The following SALL1 variants were observed in gnomAD, a reference collection of about 807,000 sequenced individuals.
The protein encoded by SALL1 is spalt like transcription factor 1.
In SALL1, 10 loss-of-function variants were observed where a neutral mutation model predicts 73.1. The ratio of observed to expected loss-of-function variants is 0.14; its 90% confidence interval spans 0.08 to 0.23. The LOEUF (loss-of-function observed/expected upper bound fraction) is 0.23. SALL1 is among the 10% of genes least tolerant of loss of function. The probability of loss-of-function intolerance (pLI) is 1.00; values close to 1 mark genes in which losing one functional copy is unlikely to be tolerated. For missense variants in SALL1, 1,520 were observed against 1,697.3 expected, an observed-to-expected ratio of 0.90 and a Z score of 1.84; for synonymous variants, 688 against 689.8, an observed-to-expected ratio of 1.00 and a Z score of 0.04.
At position 51,137,495 on chromosome 16, in the gene SALL1, A is replaced by T; in HGVS notation, c.3592T>A (p.Ser1198Thr). 6.2e-7 allele frequency: 1 copy of T among 1,614,056 alleles called. No individual in the cohort carries two copies. Residue 1198 changes from serine to threonine, a missense_variant, in exon 3 of 3, where the codon TCT becomes ACT. By Grantham distance (58) the Ser-to-Thr change is moderately conservative. This residue lies in a region of SALL1 where 318 missense variants were observed against 357.1 expected (regional missense o/e 0.89). Transcript: ENST00000251020. Reference protein sequence around the residue: ...STPARRGRRLSVDGPMTFLGG... With the variant: ...STPARRGRRLTVDGPMTFLGG... ...AGAAATGTCATGGGGCCATCCACAG[A>T]GAGCCGCCGACCCCGTCGTGCAGGG...
At position 51,141,975 on chromosome 16, in the gene SALL1, C is replaced by T. The variant is rs376234367; in HGVS notation, c.247G>A (p.Glu83Lys). Reference sequence around the variant, plus strand: ...GGAGGGGGGCTGGGGGAGAAGGTTTCGGGTGGGGAGGCTGGATTTTCATTT... The same window carrying T: ...GGAGGGGGGCTGGGGGAGAAGGTTTTGGGTGGGGAGGCTGGATTTTCATTT... ...IVNENPASPP[E>K]TFSPSPPPDN... Residue 83 changes from glutamate (E) to lysine (K), a missense_variant, in exon 2 of 3, where the codon GAA (glutamate) becomes AAA (lysine). Physicochemically the swap from Glu to Lys is moderately conservative, Grantham distance 56. Around this residue, in one of 7 missense-constraint regions of SALL1, gnomAD observed 540 missense variants for 567.5 expected, o/e 0.95. Transcript: ENST00000251020. The surrounding 1 kb of genome is among the most constrained non-coding windows in gnomAD (Gnocchi z 5.4). 12 of 1,612,006 alleles carry T rather than the reference C, an allele frequency of 7.4e-6. No individual in the cohort carries two copies. The highest frequency in any genetic ancestry group is 1.3e-5 in the African/African-American group (1 of 74,798).
intron 2 of SALL1, 57 bp downstream of exon 2, chr16:51,138,631 T>C (rs1272983305): frequency 1.3e-6 from 2 of 1,567,974 alleles, no homozygotes; most frequent in African/African-American, 1.4e-5. Flanking sequence ...TTATAGATAA[T>C]CAATGGCAGT....
rs761143307 is a variant in SALL1 at position 51,140,372 on chromosome 16, A to C, written c.1850T>G (p.Leu617Arg). 1 of 1,614,150 alleles carries C rather than the reference A, an allele frequency of 6.2e-7. No homozygotes were observed. The highest frequency in any genetic ancestry group is 8.5e-7 in the Non-Finnish European group (1 of 1,180,020). The change falls in exon 2 of 3, where the codon CTG becomes CGG. Residue 617 changes from leucine to arginine, a missense_variant. This residue lies in a region of SALL1 where 276 missense variants were observed against 259.1 expected (regional missense o/e 1.07). Coordinates refer to ENST00000251020, the MANE Select transcript of SALL1 (RefSeq NM_002968.3). This position sits in a 1 kb window ranked among gnomAD's most constrained non-coding sequence, Gnocchi z 5.7. ...TTCGCTTTTGCCACCAGAGGGTGGC[A>C]GAGTGGACCCTTCGGCTTCCTCTGG... ...GLPEEAEGST[L>R]PPSGGKSEES... is the part of the protein sequence containing the mutation.
In SALL1 at chr16:51,139,970, G is replaced by A. The variant is rs1318196061; in HGVS notation, c.2252C>T (p.Thr751Ile). Reference sequence around the variant, plus strand: ...CATAGCACGATGGACACTGTAGTGGGTTTTAAGATTCCCTTTCGTGGTGAA... The same window carrying A: ...CATAGCACGATGGACACTGTAGTGGATTTTAAGATTCCCTTTCGTGGTGAA... ...RAFTTKGNLK[T>I]HYSVHRAMPP... is the part of the protein sequence containing the mutation. Residue 751 changes from threonine to isoleucine, a missense_variant, in exon 2 of 3, where the codon ACC becomes ATC. Thr to Ile is a moderately conservative substitution (Grantham distance 89). This residue lies in a region of SALL1 where 77 missense variants were observed against 117.2 expected (regional missense o/e 0.66). Transcript: ENST00000251020. 1 of 1,614,212 alleles carries A rather than the reference G, an allele frequency of 6.2e-7. No homozygotes were observed. The highest frequency in any genetic ancestry group is 2.2e-5 in the East Asian group (1 of 44,880).
At chr16:51,147,780 A>AAC (rs145285801) in intron 1 of SALL1, among the ~76,000 whole-genome samples, 26,176 of 146,194 alleles carry the variant, frequency 0.18, 2,664 homozygotes, top group African/African-American at 0.29. Flanking sequence ...GAAGAACTCC[A>AAC]ACACACACAC....
rs376876156 is a variant in SALL1, at chr16:51,150,072, G to C, written c.76+1094C>G. On this transcript the variant is annotated intron_variant, in intron 1 of 2. Coordinates refer to ENST00000251020, the MANE Select transcript of SALL1 (RefSeq NM_002968.3). ...CTCGGGCGCTAGGCCTGGGAGCTTTGAGGCCGGTACCGTGAAACACCTTTA... is the reference window on the plus strand; with the variant it reads ...CTCGGGCGCTAGGCCTGGGAGCTTTCAGGCCGGTACCGTGAAACACCTTTA... 1.5e-3 allele frequency among the ~76,000 whole-genome samples: 234 copies of C among 152,314 alleles called. 2 individuals carry two copies. The South Asian group carries it at 0.028, about 18-fold the overall frequency.
chr16:51,146,000 C>CTTTT (rs11306057), intron 1 of SALL1, among the ~76,000 whole-genome samples: 2 of 118,494 alleles, frequency 1.7e-5, no homozygotes, highest in Admixed American at 8.4e-5. Flanking sequence ...TTTTCTTTTT[C>CTTTT]TTTTTTTTTT....
At position 51,140,062 on chromosome 16, in the gene SALL1, G is replaced by C; in HGVS notation, c.2160C>G (p.Ala720=). ...TGTGTGTCCTGTAGTGCATTTTCAA[G>C]GCGCTCTGGCAGCTGAGAACCCGGT... The part of the protein sequence containing the change: ...ICHRVLSCQS[A]LKMHYRTHTG... Residue 720 remains alanine, a synonymous_variant, in exon 2 of 3, where the codon GCC becomes GCG. Transcript: ENST00000251020. This position sits in a 1 kb window ranked among gnomAD's most constrained non-coding sequence, Gnocchi z 5.7. 3.1e-6 allele frequency: 5 copies of C among 1,614,230 alleles called. No individual in the cohort carries two copies. Among genetic ancestry groups the C allele is most frequent in the Non-Finnish European group, 4.2e-6 (5 of 1,180,034 alleles).
At position 51,137,334 on chromosome 16, in the gene SALL1, C is replaced by G. The variant is rs937264847; in HGVS notation, c.3753G>C (p.Glu1251Asp). 1 of 1,614,138 alleles carries G rather than the reference C, an allele frequency of 6.2e-7. No homozygotes were observed. Among genetic ancestry groups the G allele is most frequent in the African/African-American group, 1.3e-5 (1 of 75,006 alleles). Residue 1251 changes from glutamate to aspartate, a missense_variant, in exon 3 of 3, where the codon GAG becomes GAC. Glu to Asp is a conservative substitution (Grantham distance 45). Coordinates refer to ENST00000251020, the MANE Select transcript of SALL1 (RefSeq NM_002968.3). Reference sequence around the variant, plus strand: ...TGCCACCGTTCTGAATGACGGAGATCTCGTTGGCCTTCATCGCCAGCCCGT... The same window carrying G: ...TGCCACCGTTCTGAATGACGGAGATGTCGTTGGCCTTCATCGCCAGCCCGT... ...LSNGLAMKANEISVIQNGGIP... is the reference protein window; with the variant it reads ...LSNGLAMKANDISVIQNGGIP...
At chr16:51,144,147 A>T (rs1386468040) in intron 1 of SALL1, among the ~76,000 whole-genome samples, 1 of 152,194 alleles carries the variant, frequency 6.6e-6, no homozygotes, top group Non-Finnish European at 1.5e-5. Flanking sequence ...TTATTTTGAC[A>T]ATCAATTTTA....
chr16:51,149,948 A>T (rs1476879093), intron 1 of SALL1: 1 of 151,790 alleles, frequency 6.6e-6, no homozygotes, highest in Non-Finnish European at 1.5e-5. Context: ...AGCCGCTGAG[A>T]CCCCGCCGAG....
chr16:51,149,695 A>AAAAG (rs1363135377), intron 1 of SALL1: 1 of 152,190 alleles, frequency 6.6e-6, no homozygotes, highest in African/African-American at 2.4e-5. Context: ...ACCCCAAGTC[A>AAAAG]GGATTCCCCT....
At position 51,141,045 on chromosome 16, in the gene SALL1, G is replaced by A. The variant is rs1962416414; in HGVS notation, c.1177C>T (p.Pro393Ser). ...ACCGAGTTAGCGGAGGCTTGCTGAG[G>A]TAGAAGTGGATTAGACGCAGGACTT... ...LLSPASNPLL[P>S]QQASANSVFP... The change falls in exon 2 of 3, where the codon CCT becomes TCT. Residue 393 changes from proline to serine, a missense_variant. Pro to Ser is a moderately conservative substitution (Grantham distance 74). This residue lies in a region of SALL1 where 540 missense variants were observed against 567.5 expected (regional missense o/e 0.95). Coordinates refer to ENST00000251020, the MANE Select transcript of SALL1 (RefSeq NM_002968.3). The surrounding 1 kb of genome is among the most constrained non-coding windows in gnomAD (Gnocchi z 5.4). The A allele has an allele frequency of 3.7e-6, 6 of 1,614,122 alleles. No homozygotes were observed. The highest frequency in any genetic ancestry group is 5.1e-6 in the Non-Finnish European group (6 of 1,180,044).
Position 51,140,396 on chromosome 16 carries a change from G to A in SALL1, c.1826C>T (p.Pro609Leu). The stretch of plus-strand genomic sequence containing the variant: ...CAGAGTGGACCCTTCGGCTTCCTCT[G>A]GGAGCCCACCTAGGTTTCTTGTGGC... The part of the protein sequence containing the change: ...ESATRNLGGL[P>L]EEAEGSTLPP... Residue 609 changes from proline to leucine, a missense_variant, in exon 2 of 3, where the codon CCA (proline) becomes CTA (leucine). Around this residue, in one of 7 missense-constraint regions of SALL1, gnomAD observed 276 missense variants for 259.1 expected, o/e 1.07. Transcript: ENST00000251020. The surrounding 1 kb of genome is among the most constrained non-coding windows in gnomAD (Gnocchi z 5.7). 1 of 1,614,102 alleles carries A rather than the reference G, an allele frequency of 6.2e-7. No individual in the cohort carries two copies. The highest frequency in any genetic ancestry group is 1.1e-5 in the South Asian group (1 of 91,078).
chr16:51,149,984 G>A (rs1381211216), intron 1 of SALL1, among the ~76,000 whole-genome samples: 1 of 152,170 alleles, frequency 6.6e-6, no homozygotes, highest in African/African-American at 2.4e-5. Context: ...TCCTCCCACA[G>A]CCGAGAGGCC....
intron 1 of SALL1, chr16:51,143,265 C>G (rs1962470449): frequency 2.8e-6 from 1 of 361,736 alleles, no homozygotes; most frequent in Admixed American, 3.5e-5. Flanking sequence ...TGTCTTCTCA[C>G]TAAGATCCAT....
Position 51,141,564 on chromosome 16 carries a change from A to T in SALL1, c.658T>A (p.Ser220Thr). The stretch of plus-strand genomic sequence containing the variant: ...GCTGGGACGGCCAGCTTGCCCCCAG[A>T]GGCCCCGCCGCACCTCGCTTCCTGG... ...FSQEARCGGASGGKLAVPALM... is the reference protein window; with the variant it reads ...FSQEARCGGATGGKLAVPALM... The change falls in exon 2 of 3, where the codon TCT becomes ACT. Residue 220 changes from serine (S) to threonine (T), a missense_variant. By Grantham distance (58) the Ser-to-Thr change is moderately conservative. Transcript: ENST00000251020. This position sits in a 1 kb window ranked among gnomAD's most constrained non-coding sequence, Gnocchi z 5.4. The T allele has an allele frequency of 6.2e-7, 1 of 1,614,088 alleles. No individual in the cohort carries two copies. Among genetic ancestry groups the T allele is most frequent in the Non-Finnish European group, 8.5e-7 (1 of 1,180,004 alleles).
chr16:51,147,912 G>A (rs1434051954), intron 1 of SALL1, among the ~76,000 whole-genome samples: 1 of 151,932 alleles, frequency 6.6e-6, no homozygotes, highest in Non-Finnish European at 1.5e-5. Flanking sequence ...CCTTTCCTCA[G>A]AATTATTTAA....
intron 1 of SALL1, chr16:51,143,258 C>G (rs1405274058): frequency 2.9e-6 from 1 of 341,192 alleles, no homozygotes; most frequent in African/African-American, 2.2e-5. Context: ...GCTCAGATGT[C>G]TTCTCACTAA....
Sources: gnomAD v4.1 joint callset for allele counts (sites outside exome capture counted in the v4.1 genomes callset) on GRCh38, gnomAD v4.1.1 for gene constraint, gnomAD v4.1.1 regional missense constraint, Gnocchi (gnomAD v3.1) non-coding constraint, MANE v1.5 for transcripts, NCBI Gene and HGNC (gene_info 2026-07-23, HGNC 2026-07-21) for gene names.